BBS9: variants seen among roughly 807,000 people sequenced by gnomAD.
The protein encoded by BBS9 is Bardet-Biedl syndrome 9, also known as protein PTHB1.
A neutral mutation model predicts 117.7 loss-of-function variants in BBS9; 89 were observed. That is an observed-to-expected ratio of 0.76 (90% CI 0.64 to 0.90). The LOEUF (loss-of-function observed/expected upper bound fraction) is 0.90, where lower values mean the gene tolerates loss of function less well. Among genes scored for constraint, BBS9 ranks in the 40% least tolerant of loss-of-function variants. The pLI is 0.00. For synonymous variants in BBS9, 379 were observed against 370.9 expected, an observed-to-expected ratio of 1.02 and a Z score of -0.25; for missense variants, 982 against 1,042.2, an observed-to-expected ratio of 0.94 and a Z score of 0.80.
intron 20 of BBS9, among the ~76,000 whole-genome samples, chr7:33,528,760 GGTGA>G (rs1284830372): frequency 2.6e-5 from 4 of 152,202 alleles, no homozygotes; most frequent in Non-Finnish European, 4.4e-5. Context: ...GGGCAGATGA[GGTGA>G]GTGAGGTTAA....
intron 21 of BBS9, among the ~76,000 whole-genome samples, chr7:33,549,133 G>A (rs370238887): frequency 0.076 from 10,530 of 139,006 alleles, 460 homozygotes; most frequent in African/African-American, 0.11. Flanking sequence ...CATATCTACA[G>A]CTATCTGATC....
At chr7:33,621,297 A>G (rs1865393579) in intron 21 of BBS9, among the ~76,000 whole-genome samples, 1 of 152,212 alleles carries the variant, frequency 6.6e-6, no homozygotes, top group African/African-American at 2.4e-5. Flanking sequence ...TGAACCGTGT[A>G]TCTAATGAAT....
At chr7:33,304,039 C>A (rs10262362) in intron 9 of BBS9, among the ~76,000 whole-genome samples, 1 of 141,760 alleles carries the variant, frequency 7.1e-6, no homozygotes, top group Non-Finnish European at 1.6e-5. Flanking sequence ...TCTGCCCGGC[C>A]GCCACCCCAT....
chr7:33,355,071 T>TA (rs1273679572), intron 15 of BBS9, among the ~76,000 whole-genome samples: 2 of 151,932 alleles, frequency 1.3e-5, no homozygotes, highest in Non-Finnish European at 2.9e-5. Flanking sequence ...AGAGAGAAAA[T>TA]ACTGCTGATG....
At chr7:33,577,882 TCA>T (rs1859200960) in intron 21 of BBS9, among the ~76,000 whole-genome samples, 1 of 152,010 alleles carries the variant, frequency 6.6e-6, no homozygotes, top group Non-Finnish European at 1.5e-5. Context: ...GCGGGGAACA[TCA>T]CACACTGGGG....
chr7:33,420,555 G>C (rs922357016), intron 19 of BBS9, among the ~76,000 whole-genome samples: 3 of 152,080 alleles, frequency 2.0e-5, no homozygotes, highest in Admixed American at 6.5e-5. Flanking sequence ...CAGGTGCTTT[G>C]GTTCTGTGGC....
chr7:33,426,628 G>A (rs1584783219), intron 19 of BBS9, among the ~76,000 whole-genome samples: 1 of 151,884 alleles, frequency 6.6e-6, no homozygotes, highest in East Asian at 1.9e-4. Flanking sequence ...GATTCACTAA[G>A]CCACATTCGG....
In BBS9 at chr7:33,570,435, T is replaced by C. The variant is rs59652645; in HGVS notation, c.2522-34430T>C. Reference sequence around the variant, plus strand: ...ACTGATATAAATAAATAAATAAAAATAGGGGGGAAAGGACAGCTATTCCTT... The same window carrying C: ...ACTGATATAAATAAATAAATAAAAACAGGGGGGAAAGGACAGCTATTCCTT... On this transcript the variant is annotated intron_variant, in intron 21 of 22. Coordinates refer to ENST00000242067, the MANE Select transcript of BBS9 (RefSeq NM_198428.3). Among the ~76,000 whole-genome samples the C allele has an allele frequency of 1.8e-4, 27 of 151,954 alleles. No homozygotes were observed. In the East Asian group the frequency reaches 4.3e-3, roughly 24 times the overall value.
At position 33,593,074 on chromosome 7, in the gene BBS9, G is replaced by A. The variant is rs76270989; in HGVS notation, c.2522-11791G>A. ...AAATGGAAATATCTTAAAATTATGT[G>A]TCTTTCCAATTGTACATTGGACTTC... On this transcript the variant is annotated intron_variant, in intron 21 of 22. Transcript: ENST00000242067. Among the ~76,000 whole-genome samples, 628 of 152,204 alleles carry A rather than the reference G, an allele frequency of 4.1e-3. 3 individuals are homozygous for A. The highest frequency in any genetic ancestry group is 0.015 in the African/African-American group (614 of 41,546).
intron 4 of BBS9, among the ~76,000 whole-genome samples, chr7:33,158,918 G>A (rs980260754): frequency 2.6e-5 from 4 of 152,102 alleles, no homozygotes; most frequent in African/African-American, 9.7e-5. Flanking sequence ...GACAGAAAAA[G>A]GAAAGTGACA....
chr7:33,290,871 T>A (rs1016114452), intron 9 of BBS9, among the ~76,000 whole-genome samples: 42 of 152,204 alleles, frequency 2.8e-4, no homozygotes, highest in African/African-American at 1.0e-3. Flanking sequence ...GCTTTATTCC[T>A]TTTTGTCCAG....
intron 21 of BBS9, among the ~76,000 whole-genome samples, chr7:33,634,316 G>C (rs537603254): frequency 1.3e-4 from 20 of 152,316 alleles, no homozygotes; most frequent in Non-Finnish European, 2.6e-4. Flanking sequence ...GTGAGAGGTG[G>C]TGCATGGAGC....
chr7:33,306,314 A>G (rs1468667339), intron 9 of BBS9, among the ~76,000 whole-genome samples: 4 of 152,018 alleles, frequency 2.6e-5, no homozygotes, highest in African/African-American at 4.8e-5. Flanking sequence ...GACTTAACAT[A>G]TAGATGTTAA....
intron 19 of BBS9, among the ~76,000 whole-genome samples, chr7:33,471,541 A>G (rs909225631): frequency 1.3e-5 from 2 of 152,202 alleles, no homozygotes; most frequent in African/African-American, 4.8e-5. Flanking sequence ...GGGAGCTTAG[A>G]AATGCAGAAA....
chr7:33,399,108 G>T (rs528759353), intron 19 of BBS9, among the ~76,000 whole-genome samples: 69 of 152,294 alleles, frequency 4.5e-4, no homozygotes, highest in Admixed American at 3.3e-3. Flanking sequence ...TATATGTGCA[G>T]CACATTTCAA....
chr7:33,378,075 T>C (rs2128736365), intron 17 of BBS9, among the ~76,000 whole-genome samples: 1 of 152,340 alleles, frequency 6.6e-6, no homozygotes, highest in African/African-American at 2.4e-5. Flanking sequence ...ATTTTCATCC[T>C]TATTACCATT....
At chr7:33,142,602 C>T (rs952477314) in intron 1 of BBS9, among the ~76,000 whole-genome samples, 2 of 152,212 alleles carry the variant, frequency 1.3e-5, no homozygotes, top group South Asian at 4.1e-4. Context: ...TCTCCTTTCT[C>T]CCTAGCCCCT....
intron 19 of BBS9, among the ~76,000 whole-genome samples, chr7:33,498,137 C>A (rs1209007939): frequency 6.6e-6 from 1 of 152,080 alleles, no homozygotes; most frequent in Non-Finnish European, 1.5e-5. Context: ...AGTAGCATCA[C>A]CAGTAGTCAT....
At chr7:33,289,427 A>T (rs1223148499) in intron 9 of BBS9, among the ~76,000 whole-genome samples, 3 of 152,208 alleles carry the variant, frequency 2.0e-5, no homozygotes, top group Non-Finnish European at 4.4e-5. Flanking sequence ...TGAAAGATAA[A>T]TTATTAAGTA....
Sources: gnomAD v4.1 joint callset for allele counts (sites outside exome capture counted in the v4.1 genomes callset) on GRCh38, gnomAD v4.1.1 for gene constraint, MANE v1.5 for transcripts, NCBI Gene and HGNC (gene_info 2026-07-23, HGNC 2026-07-21) for gene names.